The following RAB28 variants were observed in gnomAD, a reference collection of about 807,000 sequenced individuals.
RAB28 encodes the protein ras-related protein Rab-28.
Under a neutral mutation model 31.7 loss-of-function variants are expected in RAB28, and 24 were observed. The ratio of observed to expected loss-of-function variants is 0.76; its 90% CI spans 0.55 to 1.06. The LOEUF is 1.06. Ranked by LOEUF, RAB28 falls within the 50% of genes least tolerant of loss-of-function variation. RAB28 has a pLI of 0.00. For synonymous variants in RAB28, 100 were observed against 90.4 expected (o/e 1.11, Z -0.60); for missense variants, 254 against 258.5 (o/e 0.98, Z 0.12).
intron 4 of RAB28, among the ~76,000 whole-genome samples, chr4:13,383,382 C>T (rs946040482): frequency 1.3e-5 from 2 of 152,110 alleles, no homozygotes; most frequent in African/African-American, 4.8e-5. Flanking sequence ...CTCCCTCCTT[C>T]CTTCCAAATC....
chr4:13,474,548 T>C (rs1399860384), intron 2 of RAB28, 142 bp from the exon 3 acceptor site: 1 of 461,468 alleles, frequency 2.2e-6, no homozygotes. Flanking sequence ...GCTCACATGA[T>C]ATTTGGAATT....
Position 13,460,724 on chromosome 4 carries a change from T to C in RAB28, c.366A>G (p.Pro122=), listed in dbSNP as rs952560315. 2.5e-6 allele frequency: 4 copies of C among 1,613,906 alleles called. No homozygotes were observed. Among genetic ancestry groups the C allele is most frequent in the Admixed American group, 3.3e-5 (2 of 60,002 alleles). Residue 122 remains proline, a synonymous_variant, in exon 4 of 7, where the codon CCA becomes CCG. Coordinates refer to ENST00000330852, the MANE Select transcript of RAB28 (RefSeq NM_001017979.3). The part of the protein sequence containing the change: ...KKVSEESETQ[P]LVALVGNKID... ...TTTTATTGCCTACCAAGGCAACCAG[T>C]GGCTGAGTTTCTGACTCCTCGCTCA...
chr4:13,460,565 A>T (rs1447147719), intron 4 of RAB28, 134 bp downstream of exon 4: 18 of 1,134,936 alleles, frequency 1.6e-5, no homozygotes, highest in Non-Finnish European at 2.2e-5. Flanking sequence ...ACCTCCCAAA[A>T]CCCCACCTCC....
chr4:13,391,910 T>C (rs1397442759), intron 4 of RAB28, among the ~76,000 whole-genome samples: 1 of 125,528 alleles, frequency 8.0e-6, no homozygotes, highest in Non-Finnish European at 1.7e-5. Flanking sequence ...TGTCGGGAGG[T>C]GGGGGGCTGG....
At chr4:13,422,656 A>G (rs1049535829) in intron 4 of RAB28, among the ~76,000 whole-genome samples, 2 of 152,124 alleles carry the variant, frequency 1.3e-5, no homozygotes, top group Non-Finnish European at 2.9e-5. Context: ...AAGGACAGAA[A>G]ACCAAACACT....
At chr4:13,454,664 A>C (rs1442320240) in intron 4 of RAB28, among the ~76,000 whole-genome samples, 2 of 152,180 alleles carry the variant, frequency 1.3e-5, no homozygotes, top group African/African-American at 4.8e-5. Flanking sequence ...GCGATGGTGC[A>C]ACTTTGCCAT....
At chr4:13,396,583 C>A (rs1364368417) in intron 4 of RAB28, among the ~76,000 whole-genome samples, 1 of 151,998 alleles carries the variant, frequency 6.6e-6, no homozygotes, top group Non-Finnish European at 1.5e-5. Context: ...ATAAATATAA[C>A]TGCCTGGAAA....
intron 4 of RAB28, among the ~76,000 whole-genome samples, chr4:13,391,745 T>G (rs1291542998): frequency 6.6e-6 from 1 of 152,080 alleles, no homozygotes; most frequent in African/African-American, 2.4e-5. Flanking sequence ...ATGAGTTCTT[T>G]TCCTTTGCAG....
chr4:13,447,091 C>T (rs780789045), intron 4 of RAB28, among the ~76,000 whole-genome samples: 1 of 152,150 alleles, frequency 6.6e-6, no homozygotes, highest in Non-Finnish European at 1.5e-5. Flanking sequence ...TAGCCAACCA[C>T]TTCTCACTAC....
At chr4:13,420,285 A>C (rs908679217) in intron 4 of RAB28, among the ~76,000 whole-genome samples, 3 of 152,220 alleles carry the variant, frequency 2.0e-5, no homozygotes, top group African/African-American at 7.2e-5. Flanking sequence ...AACCAAAAAA[A>C]GGCCAGGACC....
intron 4 of RAB28, among the ~76,000 whole-genome samples, chr4:13,390,482 C>A (rs1729578157): frequency 6.6e-6 from 1 of 151,978 alleles, no homozygotes; most frequent in Non-Finnish European, 1.5e-5. Flanking sequence ...TGAAAAACGG[C>A]CATACTGCCC....
At chr4:13,483,899 C>A (rs1716738337) in intron 1 of RAB28, among the ~76,000 whole-genome samples, 177 bp downstream of exon 1, 1 of 152,224 alleles carries the variant, frequency 6.6e-6, no homozygotes, top group African/African-American at 2.4e-5. Context: ...GGACAGCTCT[C>A]GTCGGCCTTC....
At position 13,484,217 on chromosome 4, in the gene RAB28, C is replaced by A. The variant is rs1308342717; in HGVS notation, c.-67G>T. On this transcript the variant is annotated 5_prime_UTR_variant, in exon 1 of 7. Coordinates refer to ENST00000330852, the MANE Select transcript of RAB28 (RefSeq NM_001017979.3). ...AAGGGAAGGATGAAGGCTCCGGGGG[C>A]GGGGGAGAGGAGGAAGGGAGGTAGT... 3.8e-6 allele frequency: 5 copies of A among 1,303,756 alleles called. No homozygotes were observed. In the African/African-American group the frequency reaches 5.9e-5, roughly 15 times the overall value. 80.8% of individuals were successfully genotyped at this position (1,303,756 alleles called of 1,614,324 possible). A position where few individuals can be genotyped will look rare whatever the true frequency, so the allele number is the denominator to read the frequency against.
chr4:13,408,481 G>C (rs934737853), intron 4 of RAB28, among the ~76,000 whole-genome samples: 4 of 151,976 alleles, frequency 2.6e-5, no homozygotes, highest in African/African-American at 7.3e-5. Flanking sequence ...TTCTTTTTTT[G>C]TGTGTGTCTC....
At chr4:13,424,938 C>T (rs1438112433) in intron 4 of RAB28, among the ~76,000 whole-genome samples, 3 of 152,252 alleles carry the variant, frequency 2.0e-5, no homozygotes, top group East Asian at 1.9e-4. Context: ...TGACCCCCAC[C>T]TCCACTTCAA....
chr4:13,477,932 G>C (rs1225967371), intron 2 of RAB28, among the ~76,000 whole-genome samples: 2 of 151,368 alleles, frequency 1.3e-5, no homozygotes, highest in African/African-American at 4.8e-5. Context: ...TATTTGAGTA[G>C]GTACTTGTTT....
chr4:13,484,130 C>T lies in RAB28; in HGVS notation c.21G>A (p.Glu7=), dbSNP rs762727716. 26 of 1,595,758 alleles carry T rather than the reference C, an allele frequency of 1.6e-5. No individual in the cohort carries two copies. The highest frequency in any genetic ancestry group is 1.3e-5 in the African/African-American group (1 of 74,534). Residue 7 remains glutamate (E), a synonymous_variant, in exon 1 of 7, where the codon GAG becomes GAA. Transcript: ENST00000330852. ...CGATTTTCAGTTGCCGGTCCTGGCTCTCCTCCTCAGAGTCCGACATGGTGT... is the reference window on the plus strand; with the variant it reads ...CGATTTTCAGTTGCCGGTCCTGGCTTTCCTCCTCAGAGTCCGACATGGTGT... The part of the protein sequence containing the change: MSDSEE[E]SQDRQLKIVV...
intron 4 of RAB28, among the ~76,000 whole-genome samples, chr4:13,419,351 G>A (rs1024336379): frequency 2.6e-5 from 4 of 152,014 alleles, no homozygotes. Flanking sequence ...CGAGACAGAA[G>A]GTTAACACGG....
At chr4:13,473,028 A>G (rs1186860282) in intron 3 of RAB28, among the ~76,000 whole-genome samples, 1 of 152,006 alleles carries the variant, frequency 6.6e-6, no homozygotes, top group Non-Finnish European at 1.5e-5. Flanking sequence ...TCTCTGCATC[A>G]GCAATGCAAA....
Sources: allele counts gnomAD v4.1 joint callset (sites outside exome capture counted in the v4.1 genomes callset), GRCh38; gene constraint gnomAD v4.1.1; transcripts MANE v1.5; gene names NCBI Gene and HGNC (gene_info 2026-07-23, HGNC 2026-07-21).